DCT: variants seen among roughly 807,000 people sequenced by gnomAD.
DCT encodes L-dopachrome tautomerase.
DCT carries 47 observed loss-of-function variants against 53.0 expected under a neutral mutation model. That is an observed-to-expected ratio of 0.89 (90% CI 0.70 to 1.13). The LOEUF (loss-of-function observed/expected upper bound fraction) is 1.13, where lower values mean the gene tolerates loss of function less well. DCT is among the 50% of genes most tolerant of loss of function. The pLI, the probability that DCT is intolerant of heterozygous loss-of-function variation, is 0.00. For synonymous variants in DCT, 244 were observed against 237.0 expected (o/e 1.03, Z -0.27); for missense variants, 669 against 637.4 (o/e 1.05, Z -0.53).
intron 6 of DCT, among the ~76,000 whole-genome samples, chr13:94,457,414 G>A (rs1002549496): frequency 2.0e-5 from 3 of 152,210 alleles, no homozygotes; most frequent in Non-Finnish European, 4.4e-5. Flanking sequence ...GGCTCAGGAA[G>A]AGAGTCTTCA....
the DCT span, among the ~76,000 whole-genome samples, chr13:94,501,634 C>CAGAGACATAG: frequency 6.7e-6 from 1 of 148,632 alleles, no homozygotes; most frequent in African/African-American, 2.5e-5. Context: ...AAGACAGAGA[C>CAGAGACATAG]AGAGAGAGAG....
At chr13:94,547,886 A>G in the DCT span, among the ~76,000 whole-genome samples, 1 of 145,618 alleles carries the variant, frequency 6.9e-6, no homozygotes, top group Non-Finnish European at 1.5e-5. Context: ...GCAACTCGAG[A>G]GGCTGAGGCA....
At position 94,438,197 on chromosome 13, in the gene DCT, C is replaced by G. The variant is rs1004512926; in HGVS notation, c.*1701G>C. ...ATGTGTTCCCCAACTATCCTGAGCT[C>G]AGAGCATAAACCTTCCAGAGTGGAG... On this transcript the variant is annotated 3_prime_UTR_variant, in exon 8 of 8. Transcript: ENST00000377028. 6.5e-6 allele frequency: 1 copy of G among 152,764 alleles called. No individual in the cohort carries two copies. Among genetic ancestry groups the G allele is most frequent in the African/African-American group, 2.4e-5 (1 of 41,444 alleles). The allele number at this position is 152,764 out of a possible 1,614,324, so 9.5% of individuals were successfully genotyped here.
the DCT span, among the ~76,000 whole-genome samples, chr13:94,540,492 C>CA: frequency 6.6e-6 from 1 of 152,046 alleles, no homozygotes; most frequent in African/African-American, 2.4e-5. Context: ...TTAAAATGGG[C>CA]AAAAGATGTG....
chr13:94,455,077 AAT>A (rs1233983759), intron 6 of DCT, among the ~76,000 whole-genome samples: 2 of 152,182 alleles, frequency 1.3e-5, no homozygotes, highest in Admixed American at 6.5e-5. Context: ...CAGAAGGAGA[AAT>A]ATGACTAAAG....
intron 6 of DCT, among the ~76,000 whole-genome samples, chr13:94,448,021 G>A (rs995977118): frequency 2.0e-5 from 3 of 152,170 alleles, no homozygotes; most frequent in Non-Finnish European, 4.4e-5. Context: ...GCTGAGGCAA[G>A]AGGATCACAT....
the DCT span, among the ~76,000 whole-genome samples, chr13:94,485,355 G>A: frequency 1.1e-4 from 17 of 152,102 alleles, no homozygotes; most frequent in African/African-American, 3.9e-4. Context: ...GTTTCCAAAG[G>A]ATGTCATGGC....
the DCT span, among the ~76,000 whole-genome samples, chr13:94,546,237 C>G: frequency 1.3e-5 from 2 of 152,072 alleles, no homozygotes; most frequent in Admixed American, 1.3e-4. The surrounding 1 kb of genome is among the most constrained non-coding windows in gnomAD (Gnocchi z 4.2). Context: ...GGACAGAATC[C>G]AGACTTTGAT....
the DCT span, among the ~76,000 whole-genome samples, chr13:94,517,820 T>C: frequency 6.6e-6 from 1 of 152,128 alleles, no homozygotes; most frequent in Non-Finnish European, 1.5e-5. Flanking sequence ...ATACGTTGAC[T>C]AATTAATTAA....
chr13:94,544,568 C>T, the DCT span, among the ~76,000 whole-genome samples: 8 of 152,282 alleles, frequency 5.3e-5, no homozygotes, highest in East Asian at 1.5e-3. Flanking sequence ...TGTGGGCCCT[C>T]GCCTAAGCAG....
chr13:94,444,980 T>A (rs1350057863), intron 6 of DCT, among the ~76,000 whole-genome samples: 1 of 152,218 alleles, frequency 6.6e-6, no homozygotes, highest in African/African-American at 2.4e-5. Context: ...CTGATGACAG[T>A]GTCATGCAGA....
chr13:94,446,853 A>C (rs114448250), intron 6 of DCT, among the ~76,000 whole-genome samples: 2,325 of 152,078 alleles, frequency 0.015, 46 homozygotes, highest in Middle Eastern at 0.048. Context: ...CCTATGTCCA[A>C]ATTTTCCCTT....
At chr13:94,450,770 T>C (rs1883027624) in intron 6 of DCT, among the ~76,000 whole-genome samples, 1 of 152,118 alleles carries the variant, frequency 6.6e-6, no homozygotes, top group African/African-American at 2.4e-5. Context: ...AGAACCAAGG[T>C]GATGCTAGAA....
In DCT at chr13:94,443,553, C is replaced by T; in HGVS notation, c.1264G>A (p.Ala422Thr). ...TACATCCGATTGTGACCAATAGGGG[C>T]CAGCTCCTGAGGCCAGGCATCTGCA... The part of the protein sequence containing the change: ...PPADAWPQEL[A>T]PIGHNRMYNM... Residue 422 changes from alanine (A) to threonine (T), a missense_variant, in exon 7 of 8, where the codon GCC becomes ACC. Transcript: ENST00000377028. 1.2e-6 allele frequency: 2 copies of T among 1,613,650 alleles called. No homozygotes were observed. Among genetic ancestry groups the T allele is most frequent in the Non-Finnish European group, 1.7e-6 (2 of 1,179,658 alleles).
the DCT span, among the ~76,000 whole-genome samples, chr13:94,529,300 T>A: frequency 2.0e-5 from 3 of 152,190 alleles, no homozygotes; most frequent in African/African-American, 7.2e-5. Context: ...CTAATAAACA[T>A]CTACAGAACT....
At chr13:94,523,717 T>C in the DCT span, among the ~76,000 whole-genome samples, 1 of 152,206 alleles carries the variant, frequency 6.6e-6, no homozygotes, top group Non-Finnish European at 1.5e-5. Context: ...AGAGACACTT[T>C]TGCCCTGCCC....
chr13:94,480,665 C>T (rs1885404004), upstream of DCT, among the ~76,000 whole-genome samples: 1 of 152,198 alleles, frequency 6.6e-6, no homozygotes, highest in Non-Finnish European at 1.5e-5. Flanking sequence ...TTATGTCTGA[C>T]TCTACACCAA....
chr13:94,462,382 C>T (rs1307646774), intron 4 of DCT, among the ~76,000 whole-genome samples, 193 bp from the exon 5 acceptor site: 1 of 151,678 alleles, frequency 6.6e-6, no homozygotes, highest in Non-Finnish European at 1.5e-5. Context: ...TGCCTGTTGT[C>T]CCAGCTACTC....
chr13:94,467,092 A>G (rs1884274712), intron 2 of DCT: 1 of 153,118 alleles, frequency 6.5e-6, no homozygotes, highest in Non-Finnish European at 1.5e-5. Context: ...ATTAATTAAT[A>G]ATATTGTAAC....
Sources: allele counts gnomAD v4.1 joint callset (sites outside exome capture counted in the v4.1 genomes callset), GRCh38; gene constraint gnomAD v4.1.1; non-coding constraint Gnocchi (gnomAD v3.1); transcripts MANE v1.5; gene names NCBI Gene and HGNC (gene_info 2026-07-23, HGNC 2026-07-21).